ACACA: variants seen among roughly 807,000 people sequenced by gnomAD.
The protein encoded by ACACA is acetyl-CoA carboxylase alpha, also known as acetyl-CoA carboxylase 1.
ACACA carries 103 observed loss-of-function variants against 296.1 expected under a neutral mutation model. The observed-to-expected ratio is 0.35, with a 90% CI of 0.30 to 0.41. The LOEUF (loss-of-function observed/expected upper bound fraction) is 0.41. Among genes scored for constraint, ACACA ranks in the 10% least tolerant of loss-of-function variants. ACACA has a pLI of 1.00. For missense variants in ACACA, 1,554 were observed against 2,989.7 expected, an observed-to-expected ratio of 0.52 and a Z score of 11.20; for synonymous variants, 953 against 1,038.6, an observed-to-expected ratio of 0.92 and a Z score of 1.58.
intron 1 of ACACA, among the ~76,000 whole-genome samples, chr17:37,404,637 C>G (rs1306451039): frequency 6.9e-6 from 1 of 145,026 alleles, no homozygotes; most frequent in African/African-American, 2.6e-5. Context: ...TGTAGTGGCA[C>G]AATCTTGGCT....
intron 3 of ACACA, chr17:37,301,502 A>G (rs918598917): frequency 1.2e-5 from 6 of 512,004 alleles, no homozygotes; most frequent in Middle Eastern, 9.7e-4. Context: ...ACTGCAACAC[A>G]GTCTGAGTTA....
intron 1 of ACACA, among the ~76,000 whole-genome samples, chr17:37,367,304 A>G (rs969860309): frequency 2.6e-5 from 4 of 152,050 alleles, no homozygotes; most frequent in Admixed American, 6.6e-5. Context: ...AATGAACAAG[A>G]TGGTCATAAT....
intron 1 of ACACA, among the ~76,000 whole-genome samples, chr17:37,382,729 G>A (rs559000261): frequency 6.6e-5 from 10 of 152,176 alleles, no homozygotes; most frequent in Middle Eastern, 3.4e-3. Context: ...GCATGGTGGC[G>A]TGTGCCTGTA....
In ACACA at chr17:37,235,532, A is replaced by G. The variant is rs78000659; in HGVS notation, c.3122-433T>C. Among the ~76,000 whole-genome samples the G allele has an allele frequency of 9.2e-5, 14 of 152,262 alleles. No homozygotes were observed. The East Asian group carries it at 2.3e-3, about 25-fold the overall frequency. On this transcript the variant is annotated intron_variant, in intron 24 of 55. Transcript: ENST00000616317. ...TAAAAAGAAATGTAAATATCATTAA[A>G]CTTGATGATCTTTAAGGTCTCCCCC...
intron 50 of ACACA, among the ~76,000 whole-genome samples, chr17:37,116,822 C>A (rs2074279019): frequency 6.6e-6 from 1 of 152,216 alleles, no homozygotes. Context: ...AGCAAAAGCA[C>A]AGCCAATAGC....
Position 37,205,760 on chromosome 17 carries a change from C to T in ACACA, c.4056+5G>A. On this transcript the variant is annotated splice_donor_5th_base_variant and intron_variant, in intron 33 of 55. Coordinates refer to ENST00000616317, the MANE Select transcript of ACACA (RefSeq NM_198834.3). The stretch of plus-strand genomic sequence containing the variant: ...TCACGAGCTTCCACCCAATCAAGAA[C>T]TTACATTTTGCTGGGTAAATTCTCT... 6.2e-7 allele frequency: 1 copy of T among 1,611,062 alleles called. No homozygotes were observed. Among genetic ancestry groups the T allele is most frequent in the Non-Finnish European group, 8.5e-7 (1 of 1,177,618 alleles).
rs2076480095 is a variant in ACACA at position 37,162,016 on chromosome 17, C to T, written c.5114G>A (p.Ser1705Asn). ...GMVAWKMTFKSPEYPEGRDII... is the reference protein window; with the variant it reads ...GMVAWKMTFKNPEYPEGRDII... ...ATCTCGGCCTTCTGGATATTCAGGA[C>T]TTTTAAAGGTCATTTTCCAAGCTAC... is the stretch of plus-strand genomic sequence containing the variant. Residue 1705 changes from serine to asparagine, a missense_variant, in exon 42 of 56, where the codon AGT becomes AAT. Physicochemically the swap from Ser to Asn is conservative, Grantham distance 46. This residue lies in a region of ACACA where 553 missense variants were observed against 1,043.6 expected (regional missense o/e 0.53). Transcript: ENST00000616317. The T allele has an allele frequency of 6.2e-7, 1 of 1,614,120 alleles. No individual in the cohort carries two copies.
rs2143432217 is a variant in ACACA at position 37,130,153 on chromosome 17, A to G, written c.5745T>C (p.Asn1915=). 6.2e-7 allele frequency: 1 copy of G among 1,614,158 alleles called. No homozygotes were observed. The highest frequency in any genetic ancestry group is 8.5e-7 in the Non-Finnish European group (1 of 1,180,008). ...CACACACAGTGCAGTGGGTCACCCC[A>G]TTGTTGTGCATAATCTGGATGCCCC... The part of the protein sequence containing the change: ...QLGGIQIMHN[N]GVTHCTVCDD... The change falls in exon 46 of 56, where the codon AAT becomes AAC. Residue 1915 remains asparagine, a synonymous_variant. Coordinates refer to ENST00000616317, the MANE Select transcript of ACACA (RefSeq NM_198834.3).
chr17:37,327,376 G>A (rs1367600628), intron 3 of ACACA, among the ~76,000 whole-genome samples: 10 of 152,104 alleles, frequency 6.6e-5, no homozygotes, highest in Admixed American at 3.9e-4. Context: ...AACAGAAAAC[G>A]TTTTTTCTAT....
chr17:37,391,808 C>T, intron 1 of ACACA: 6 of 1,184,086 alleles, frequency 5.1e-6, no homozygotes, highest in Non-Finnish European at 7.5e-6. Flanking sequence ...CAATTTCACA[C>T]TTGTATCTTC....
intron 3 of ACACA, among the ~76,000 whole-genome samples, chr17:37,293,927 T>C (rs1189372962): frequency 6.6e-6 from 1 of 152,244 alleles, no homozygotes; most frequent in Non-Finnish European, 1.5e-5. Flanking sequence ...TTTATTTAGA[T>C]AACTTCTATA....
chr17:37,223,557 G>A lies in ACACA; in HGVS notation c.3519C>T (p.Asn1173=). Residue 1173 remains asparagine, a synonymous_variant, in exon 28 of 56, where the codon AAC becomes AAT. Transcript: ENST00000616317. The part of the protein sequence containing the change: ...SETSIFDVLP[N]FFYHSNQVVR... ...CTACTTGGTTGCTGTGATAGAAGAAGTTTGGTAGGACATCAAAAATAGATG... is the reference window on the plus strand; with the variant it reads ...CTACTTGGTTGCTGTGATAGAAGAAATTTGGTAGGACATCAAAAATAGATG... 2 of 1,612,546 alleles carry A rather than the reference G, an allele frequency of 1.2e-6. No individual in the cohort carries two copies. The highest frequency in any genetic ancestry group is 1.7e-6 in the Non-Finnish European group (2 of 1,178,558).
intron 1 of ACACA, among the ~76,000 whole-genome samples, chr17:37,390,903 G>A (rs2050854486): frequency 6.6e-6 from 1 of 152,096 alleles, no homozygotes; most frequent in South Asian, 2.1e-4. Context: ...AGCTGCAACT[G>A]TGATTGAACT....
At chr17:37,156,408 G>C (rs1040747803) in intron 42 of ACACA, among the ~76,000 whole-genome samples, 3 of 140,042 alleles carry the variant, frequency 2.1e-5, no homozygotes, top group African/African-American at 8.4e-5. Flanking sequence ...CTGATCTTTA[G>C]TGACATCTCT....
intron 3 of ACACA, chr17:37,299,138 A>T: frequency 2.3e-6 from 2 of 855,172 alleles, no homozygotes; most frequent in Non-Finnish European, 3.6e-6. Flanking sequence ...GCCCATTTTT[A>T]TTCATTTTCT....
rs3049528 is a variant in ACACA at position 37,405,855 on chromosome 17, CT to C, written c.38+406del. Among the ~76,000 whole-genome samples, 533 of 53,518 alleles carry C rather than the reference CT, an allele frequency of 1.0e-2. 5 individuals are homozygous for C. The highest frequency in any genetic ancestry group is 0.034 in the African/African-American group (454 of 13,168). The allele number at this position is 53,518 out of a possible 152,430, so 35.1% of individuals were successfully genotyped here. On this transcript the variant is annotated intron_variant, in intron 1 of 55. Transcript: ENST00000616317. ...GCGTGAGCCACCGCGCCCGGCAGGGCTTTTTTTTTTTTTTTTTTTTGGAATG... is the reference window on the plus strand; with the variant it reads ...GCGTGAGCCACCGCGCCCGGCAGGGCTTTTTTTTTTTTTTTTTTTGGAATG...
chr17:37,307,750 C>G (rs2083949244), intron 3 of ACACA, among the ~76,000 whole-genome samples: 2 of 151,900 alleles, frequency 1.3e-5, no homozygotes, highest in Admixed American at 6.6e-5. Flanking sequence ...CCATGCCTGG[C>G]TAATTTTTTA....
At chr17:37,238,474 T>A (rs1487235156) in intron 24 of ACACA, among the ~76,000 whole-genome samples, 10 of 152,166 alleles carry the variant, frequency 6.6e-5, no homozygotes, top group Non-Finnish European at 1.2e-4. Flanking sequence ...TATCTCACAA[T>A]TTCTTAATTA....
chr17:37,265,074 C>T (rs2081695438), intron 10 of ACACA, among the ~76,000 whole-genome samples: 1 of 152,174 alleles, frequency 6.6e-6, no homozygotes, highest in Admixed American at 6.5e-5. Context: ...TAGGCTTCTT[C>T]AGTGATGTGT....
Sources: allele counts gnomAD v4.1 joint callset (sites outside exome capture counted in the v4.1 genomes callset), GRCh38; gene constraint gnomAD v4.1.1; regional missense constraint gnomAD v4.1.1; transcripts MANE v1.5; gene names NCBI Gene and HGNC (gene_info 2026-07-23, HGNC 2026-07-21).